Variants in GOT2 observed in about 807,000 individuals in gnomAD.
The protein encoded by GOT2 is glutamic-oxaloacetic transaminase 2.
GOT2 carries 17 observed loss-of-function variants against 50.0 expected under a neutral mutation model. The observed-to-expected ratio is 0.34, with a 90% CI of 0.23 to 0.51. The LOEUF (loss-of-function observed/expected upper bound fraction) is 0.51, where lower values mean the gene tolerates loss of function less well. Among genes scored for constraint, GOT2 ranks in the 20% least tolerant of loss-of-function variants. GOT2 has a pLI of 0.97. For synonymous variants in GOT2, 172 were observed against 204.9 expected (o/e 0.84, Z 1.37); for missense variants, 430 against 559.6 (o/e 0.77, Z 2.34).
chr16:58,733,857 A>C, intron 1 of GOT2: 1 of 369,584 alleles, frequency 2.7e-6, no homozygotes, highest in East Asian at 3.9e-5. Flanking sequence ...GCAACCGCCG[A>C]GGGCCACACT....
chr16:58,728,638 T>A (rs754021510), intron 1 of GOT2, among the ~76,000 whole-genome samples: 6 of 152,094 alleles, frequency 3.9e-5, no homozygotes, highest in Non-Finnish European at 7.4e-5. Flanking sequence ...GGAGACAATG[T>A]TAATCAGTTT....
chr16:58,716,937 T>A (rs2044700128), intron 6 of GOT2, 124 bp from the exon 7 acceptor site: 2 of 792,334 alleles, frequency 2.5e-6, no homozygotes, highest in South Asian at 1.8e-5. Flanking sequence ...AAGCCTTTTC[T>A]GGGGCTAACG....
chr16:58,734,269 C>G lies in GOT2; in HGVS notation c.-41G>C, dbSNP rs202160454. The G allele has an allele frequency of 4.8e-3, 5,320 of 1,119,464 alleles. 30 individuals are homozygous for G. The highest frequency in any genetic ancestry group is 4.7e-3 in the Non-Finnish European group (4,058 of 861,054). The allele number at this position is 1,119,464 out of a possible 1,614,324, so 69.3% of individuals were successfully genotyped here. On this transcript the variant is annotated 5_prime_UTR_variant, in exon 1 of 10. Transcript: ENST00000245206. ...GGCAGTGGGCAGCCGCAGGACGGAG[C>G]AGAGGGCGAGCGGACACACACACAG...
Position 58,708,043 on chromosome 16 carries a change from G to A in GOT2, c.*128C>T. 2.3e-6 allele frequency: 2 copies of A among 881,404 alleles called. No individual in the cohort carries two copies. The highest frequency in any genetic ancestry group is 1.7e-5 in the South Asian group (1 of 59,732). The allele number at this position is 881,404 out of a possible 1,614,324, so 54.6% of individuals were successfully genotyped here. On this transcript the variant is annotated 3_prime_UTR_variant, in exon 10 of 10. Coordinates refer to ENST00000245206, the MANE Select transcript of GOT2 (RefSeq NM_002080.4). Reference sequence around the variant, plus strand: ...TCTGAGAAACATTCAAATGCTGAGTGTTACACACTGTGGCTGAAAGAAATG... The same window carrying A: ...TCTGAGAAACATTCAAATGCTGAGTATTACACACTGTGGCTGAAAGAAATG...
At chr16:58,720,219 T>G (rs1457367723) in intron 3 of GOT2, among the ~76,000 whole-genome samples, 1 of 152,078 alleles carries the variant, frequency 6.6e-6, no homozygotes. Flanking sequence ...AATAAATAAA[T>G]AAAGGTTTTC....
At chr16:58,709,963 T>C (rs1203918599) in intron 8 of GOT2, among the ~76,000 whole-genome samples, 1 of 152,254 alleles carries the variant, frequency 6.6e-6, no homozygotes, top group Admixed American at 6.5e-5. Context: ...AATGGCTTTG[T>C]GTTAGATGAT....
chr16:58,724,406 G>T (rs916285759), intron 1 of GOT2, among the ~76,000 whole-genome samples: 8 of 151,572 alleles, frequency 5.3e-5, no homozygotes, highest in Non-Finnish European at 1.2e-4. Context: ...CAGCCTCCGT[G>T]AGCCAAAACA....
chr16:58,710,101 T>C (rs1293676576), intron 8 of GOT2, among the ~76,000 whole-genome samples: 1 of 152,206 alleles, frequency 6.6e-6, no homozygotes, highest in East Asian at 1.9e-4. Context: ...TTTTGCCATG[T>C]TGCGCGGTTT....
intron 8 of GOT2, among the ~76,000 whole-genome samples, chr16:58,710,423 G>T (rs1468689984): frequency 6.7e-6 from 1 of 149,032 alleles, no homozygotes; most frequent in Non-Finnish European, 1.5e-5. Flanking sequence ...GTAGAGACAG[G>T]GTCTCCCCAT....
In GOT2 at chr16:58,734,262, G is replaced by A. The variant is rs1380793695; in HGVS notation, c.-34C>T. 2.5e-6 allele frequency: 3 copies of A among 1,182,808 alleles called. No homozygotes were observed. Among genetic ancestry groups the A allele is most frequent in the Non-Finnish European group, 3.3e-6 (3 of 914,878 alleles). The allele number at this position is 1,182,808 out of a possible 1,614,324, so 73.3% of individuals were successfully genotyped here. On this transcript the variant is annotated 5_prime_UTR_variant, in exon 1 of 10. Transcript: ENST00000245206. ...GTAGGAGGGCAGTGGGCAGCCGCAGGACGGAGCAGAGGGCGAGCGGACACA... is the reference window on the plus strand; with the variant it reads ...GTAGGAGGGCAGTGGGCAGCCGCAGAACGGAGCAGAGGGCGAGCGGACACA...
chr16:58,716,302 A>T (rs2044692245), intron 7 of GOT2, 123 bp from the exon 8 acceptor site: 1 of 981,504 alleles, frequency 1.0e-6, no homozygotes. Context: ...ACTTTATTAT[A>T]AATAAAAAGC....
At chr16:58,722,093 A>C in intron 3 of GOT2, 57 bp downstream of exon 3, 1 of 1,594,086 alleles carries the variant, frequency 6.3e-7, no homozygotes, top group Non-Finnish European at 8.6e-7. Context: ...AATTGTTTAA[A>C]TAATTACAAA....
chr16:58,727,773 A>C (rs531468522), intron 1 of GOT2, among the ~76,000 whole-genome samples: 1 of 152,302 alleles, frequency 6.6e-6, no homozygotes, highest in East Asian at 1.9e-4. Flanking sequence ...TGAAAGGAGG[A>C]GTAAAAGGGC....
intron 8 of GOT2, among the ~76,000 whole-genome samples, chr16:58,715,382 T>TA (rs2044683473): frequency 1.3e-5 from 2 of 152,266 alleles, no homozygotes; most frequent in African/African-American, 4.8e-5. Context: ...GACTGCCTCT[T>TA]ACAGAGAAAT....
chr16:58,730,477 C>T (rs1327346083), intron 1 of GOT2, among the ~76,000 whole-genome samples: 2 of 151,958 alleles, frequency 1.3e-5, no homozygotes, highest in Admixed American at 6.6e-5. Flanking sequence ...CTCTACCTCC[C>T]GGGCTCAAGT....
intron 6 of GOT2, among the ~76,000 whole-genome samples, chr16:58,717,677 G>GA (rs1382901024): frequency 6.6e-6 from 1 of 152,024 alleles, no homozygotes; most frequent in African/African-American, 2.4e-5. Context: ...CCAGGATGAG[G>GA]AAAAAAATTA....
chr16:58,715,848 G>A (rs1252170825), intron 8 of GOT2, among the ~76,000 whole-genome samples, 166 bp downstream of exon 8: 1 of 152,102 alleles, frequency 6.6e-6, no homozygotes, highest in South Asian at 2.1e-4. Context: ...CACTGTGCCC[G>A]GCCTTAATTT....
intron 8 of GOT2, among the ~76,000 whole-genome samples, chr16:58,715,622 G>A (rs1455065090): frequency 1.3e-5 from 2 of 152,150 alleles, no homozygotes; most frequent in South Asian, 2.1e-4. Context: ...GCGCAATCTC[G>A]GCTCACTGCA....
At position 58,709,421 on chromosome 16, in the gene GOT2, T is replaced by A. The variant is rs753582294; in HGVS notation, c.1166A>T (p.Glu389Val). The A allele has an allele frequency of 6.2e-7, 1 of 1,604,666 alleles. No homozygotes were observed. Among genetic ancestry groups the A allele is most frequent in the Non-Finnish European group, 8.5e-7 (1 of 1,172,490 alleles). ...AGAGAAATCAGAATCACTCACCTGT[T>A]CAGGCTTTAGCCCTGTGAAACAGAA... ...GMFCFTGLKPEQVERLIKEFS... is the reference protein window; with the variant it reads ...GMFCFTGLKPVQVERLIKEFS... The change falls in exon 9 of 10, where the codon GAA becomes GTA. Residue 389 changes from glutamate (E) to valine (V), a missense_variant. Coordinates refer to ENST00000245206, the MANE Select transcript of GOT2 (RefSeq NM_002080.4).
Sources: allele counts gnomAD v4.1 joint callset (sites outside exome capture counted in the v4.1 genomes callset), GRCh38; gene constraint gnomAD v4.1.1; transcripts MANE v1.5; gene names NCBI Gene and HGNC (gene_info 2026-07-23, HGNC 2026-07-21).